Variants in LRP6 observed in about 807,000 individuals in gnomAD.
The protein encoded by LRP6 is LDL receptor related protein 6, also known as low-density lipoprotein receptor-related protein 6.
Under a neutral mutation model 184.1 loss-of-function variants are expected in LRP6, and 43 were observed. The observed-to-expected ratio is 0.23, with a 90% confidence interval of 0.18 to 0.30. The LOEUF (loss-of-function observed/expected upper bound fraction) is 0.30, where lower values mean the gene tolerates loss of function less well. Among genes scored for constraint, LRP6 ranks in the 10% least tolerant of loss-of-function variants. LRP6 has a pLI of 1.00. For synonymous variants in LRP6, 719 were observed against 684.9 expected (o/e 1.05, Z -0.78); for missense variants, 1,571 against 2,005.3 (o/e 0.78, Z 4.14).
At chr12:12,179,646 T>C (rs2136987256) in intron 7 of LRP6, among the ~76,000 whole-genome samples, 164 bp downstream of exon 7, 1 of 152,264 alleles carries the variant, frequency 6.6e-6, no homozygotes, top group African/African-American at 2.4e-5. Flanking sequence ...GAAGAGAATA[T>C]ATTATCCCTA....
At chr12:12,263,351 G>A (rs1474481950) in intron 1 of LRP6, among the ~76,000 whole-genome samples, 5 of 151,544 alleles carry the variant, frequency 3.3e-5, no homozygotes, top group Admixed American at 6.6e-5. Context: ...CGAGGTGGGC[G>A]GATCACGAGG....
intron 3 of LRP6, among the ~76,000 whole-genome samples, chr12:12,197,076 T>C (rs2137027729): frequency 6.6e-6 from 1 of 152,292 alleles, no homozygotes; most frequent in Non-Finnish European, 1.5e-5. Flanking sequence ...ATGTTCAAGG[T>C]AATAAATTTG....
intron 12 of LRP6, among the ~76,000 whole-genome samples, chr12:12,151,920 T>C (rs1381375145): frequency 1.3e-5 from 2 of 152,142 alleles, no homozygotes; most frequent in Non-Finnish European, 2.9e-5. Flanking sequence ...CCTTAATGGA[T>C]TGCAGATACT....
chr12:12,132,274 A>G (rs1949771095), intron 17 of LRP6, among the ~76,000 whole-genome samples: 1 of 152,240 alleles, frequency 6.6e-6, no homozygotes, highest in South Asian at 2.1e-4. Context: ...GCAAAACTAT[A>G]AGGCAAAAGT....
At chr12:12,213,451 T>A (rs1041754095) in intron 2 of LRP6, among the ~76,000 whole-genome samples, 2 of 152,152 alleles carry the variant, frequency 1.3e-5, no homozygotes, top group African/African-American at 4.8e-5. Flanking sequence ...ATATCAAGGC[T>A]AACTCTATTA....
chr12:12,160,105 C>G, intron 10 of LRP6, 141 bp from the exon 11 acceptor site: 1 of 629,732 alleles, frequency 1.6e-6, no homozygotes, highest in Non-Finnish European at 2.6e-6. Flanking sequence ...ATCACGGCTA[C>G]AATGCTTTCA....
intron 7 of LRP6, among the ~76,000 whole-genome samples, chr12:12,176,930 G>A (rs1243298951): frequency 1.4e-5 from 2 of 143,632 alleles, no homozygotes; most frequent in South Asian, 2.2e-4. Flanking sequence ...TCACTGCAAC[G>A]TCTGCCTGCC....
In LRP6 at chr12:12,118,014, T is replaced by C. The variant is rs1477117557; in HGVS notation, c.*3112A>G. 6.6e-6 allele frequency: 1 copy of C among 152,226 alleles called. No homozygotes were observed. The allele number at this position is 152,226 out of a possible 1,614,324, so 9.4% of individuals were successfully genotyped here. ...CCTATCATCTCTGTAGAATAGGTGTTCTCAAACTTACTAAAGAATCAGAGA... is the reference window on the plus strand; with the variant it reads ...CCTATCATCTCTGTAGAATAGGTGTCCTCAAACTTACTAAAGAATCAGAGA... On this transcript the variant is annotated 3_prime_UTR_variant, in exon 23 of 23. Coordinates refer to ENST00000261349, the MANE Select transcript of LRP6 (RefSeq NM_002336.3).
At chr12:12,225,823 G>T (rs893062543) in intron 2 of LRP6, among the ~76,000 whole-genome samples, 7 of 147,274 alleles carry the variant, frequency 4.8e-5, no homozygotes, top group African/African-American at 1.8e-4. Flanking sequence ...ACTGAGCCGA[G>T]ATCACACCAT....
chr12:12,236,894 C>T (rs1864943326), intron 2 of LRP6, among the ~76,000 whole-genome samples: 1 of 150,910 alleles, frequency 6.6e-6, no homozygotes, highest in South Asian at 2.1e-4. Flanking sequence ...AGAAGCTCTC[C>T]AAACCCCCAT....
chr12:12,121,522 A>C, intron 22 of LRP6, 102 bp from the exon 23 acceptor site: 2 of 1,083,722 alleles, frequency 1.8e-6, no homozygotes, highest in Non-Finnish European at 2.8e-6. Context: ...CTATGAAAAC[A>C]ATAAGCTACT....
intron 13 of LRP6, among the ~76,000 whole-genome samples, 177 bp from the exon 14 acceptor site, chr12:12,149,330 C>A (rs966925315): frequency 3.3e-5 from 5 of 152,064 alleles, no homozygotes; most frequent in African/African-American, 4.8e-5. Flanking sequence ...TGTTAATACA[C>A]ATCTCAAATG....
In LRP6 at chr12:12,119,106, T is replaced by G. The variant is rs1157485792; in HGVS notation, c.*2020A>C. ...TCCAGCAATGGGAAGAGTTCATGCT[T>G]GTCTGTTTTAGGATTCTGATAGATT... On this transcript the variant is annotated 3_prime_UTR_variant, in exon 23 of 23. Transcript: ENST00000261349. 2.6e-5 allele frequency: 4 copies of G among 152,230 alleles called. No homozygotes were observed. The highest frequency in any genetic ancestry group is 1.5e-5 in the Non-Finnish European group (1 of 68,050). 9.4% of individuals were successfully genotyped at this position (152,230 alleles called of 1,614,324 possible).
rs1313363279 is a variant in LRP6 at position 12,186,956 on chromosome 12, T to A, written c.811A>T (p.Ile271Leu). 6.2e-7 allele frequency: 1 copy of A among 1,614,074 alleles called. No individual in the cohort carries two copies. Among genetic ancestry groups the A allele is most frequent in the Admixed American group, 1.7e-5 (1 of 60,004 alleles). ...IHSDIFSPMD[I>L]HAFSQQRQPN... ...TGCCTCTGTTGGCTGAAGGCATGTA[T>A]ATCCATGGGAGAGAAGATGTCAGAA... Residue 271 changes from isoleucine to leucine, a missense_variant, in exon 4 of 23, where the codon ATA becomes TTA. Coordinates refer to ENST00000261349, the MANE Select transcript of LRP6 (RefSeq NM_002336.3).
In LRP6 at chr12:12,116,158, A is replaced by T. The variant is rs1054149928; in HGVS notation, c.*4968T>A. The T allele has an allele frequency of 1.3e-5, 2 of 152,242 alleles. No homozygotes were observed. Among genetic ancestry groups the T allele is most frequent in the Non-Finnish European group, 2.9e-5 (2 of 68,042 alleles). The allele number at this position is 152,242 out of a possible 1,614,324, so 9.4% of individuals were successfully genotyped here. On this transcript the variant is annotated 3_prime_UTR_variant, in exon 23 of 23. Coordinates refer to ENST00000261349, the MANE Select transcript of LRP6 (RefSeq NM_002336.3). The stretch of plus-strand genomic sequence containing the variant: ...TTTATAATTAAAGCACTTATTTTAC[A>T]AAAGGAGGGAAGTGAATAAGTGGAC...
At chr12:12,143,781 A>T (rs1949965255) in intron 15 of LRP6, among the ~76,000 whole-genome samples, 1 of 152,264 alleles carries the variant, frequency 6.6e-6, no homozygotes, top group African/African-American at 2.4e-5. Flanking sequence ...TTTCAGGGAA[A>T]AAACTAAAGT....
At chr12:12,213,952 C>A (rs75622255) in intron 2 of LRP6, among the ~76,000 whole-genome samples, 10,487 of 152,184 alleles carry the variant, frequency 0.069, 437 homozygotes, top group Admixed American at 0.098. Flanking sequence ...TAAAGTAAGA[C>A]ACTTTATATA....
intron 1 of LRP6, among the ~76,000 whole-genome samples, chr12:12,262,378 C>G (rs747508780): frequency 6.6e-6 from 1 of 151,550 alleles, no homozygotes; most frequent in Non-Finnish European, 1.5e-5. Flanking sequence ...GATACCGTCT[C>G]AAAAACCAAA....
In LRP6 at chr12:12,165,206, A is replaced by C. The variant is rs757491700; in HGVS notation, c.1635T>G (p.Val545=). ...IFGFTLLGDY[V]YWTDWQRRSI... ...TACGCCTCTGCCAGTCAGTCCAGTA[A>C]ACATAGTCACCCAACAAAGTAAATC... The change falls in exon 8 of 23, where the codon GTT becomes GTG. Residue 545 remains valine, a synonymous_variant. Coordinates refer to ENST00000261349, the MANE Select transcript of LRP6 (RefSeq NM_002336.3). 4 of 1,613,994 alleles carry C rather than the reference A, an allele frequency of 2.5e-6. No individual in the cohort carries two copies. In the Admixed American group the frequency reaches 5.0e-5, roughly 20 times the overall value.
Sources: gnomAD v4.1 joint callset for allele counts (sites outside exome capture counted in the v4.1 genomes callset) on GRCh38, gnomAD v4.1.1 for gene constraint, MANE v1.5 for transcripts, NCBI Gene and HGNC (gene_info 2026-07-23, HGNC 2026-07-21) for gene names.